SORCS1: variants seen among roughly 807,000 people sequenced by gnomAD.
The protein encoded by SORCS1 is sortilin related VPS10 domain containing receptor 1, also known as VPS10 domain-containing receptor SorCS1.
SORCS1 carries 60 observed loss-of-function variants against 146.1 expected under a neutral mutation model. That is an observed-to-expected ratio of 0.41 (90% confidence interval 0.33 to 0.51). The LOEUF (loss-of-function observed/expected upper bound fraction) is 0.51. SORCS1 is among the 20% of genes least tolerant of loss of function. The pLI is 0.21. For synonymous variants in SORCS1, 637 were observed against 584.0 expected, an observed-to-expected ratio of 1.09 and a Z score of -1.31; for missense variants, 1,352 against 1,487.6, an observed-to-expected ratio of 0.91 and a Z score of 1.50.
intron 5 of SORCS1, among the ~76,000 whole-genome samples, chr10:106,730,717 T>C (rs1856533419): frequency 1.3e-5 from 2 of 152,202 alleles, no homozygotes; most frequent in African/African-American, 2.4e-5. Context: ...TTAAAATGCC[T>C]TGGAGACACA....
chr10:107,074,761 T>C (rs934586015), intron 1 of SORCS1, among the ~76,000 whole-genome samples: 1 of 152,164 alleles, frequency 6.6e-6, no homozygotes, highest in African/African-American at 2.4e-5. Context: ...AGTGGTATCT[T>C]ATTGTTGTTT....
intron 10 of SORCS1, among the ~76,000 whole-genome samples, chr10:106,680,649 CTT>C (rs1222029303): frequency 6.6e-6 from 1 of 152,134 alleles, no homozygotes; most frequent in African/African-American, 2.4e-5. Context: ...GATAATAAAT[CTT>C]ATATGAATTT....
intron 5 of SORCS1, among the ~76,000 whole-genome samples, chr10:106,746,975 T>C (rs1253833807): frequency 1.3e-5 from 2 of 152,242 alleles, no homozygotes; most frequent in African/African-American, 4.8e-5. Context: ...TGCATAAATA[T>C]TCTAACAGGT....
intron 22 of SORCS1, among the ~76,000 whole-genome samples, chr10:106,607,789 G>A (rs575859773): frequency 2.6e-5 from 4 of 151,984 alleles, no homozygotes; most frequent in East Asian, 1.9e-4. Flanking sequence ...TTCCTCCTTC[G>A]TCAGCCCACT....
the SORCS1 span, among the ~76,000 whole-genome samples, chr10:107,171,016 G>A: frequency 6.6e-6 from 1 of 152,082 alleles, no homozygotes; most frequent in South Asian, 2.1e-4. Context: ...CAAAATGTAG[G>A]TTATATCACC....
At chr10:106,977,923 C>T (rs533469405) in intron 1 of SORCS1, among the ~76,000 whole-genome samples, 2 of 152,198 alleles carry the variant, frequency 1.3e-5, no homozygotes, top group East Asian at 1.9e-4. Flanking sequence ...TGTCAGAGTT[C>T]GAGTGCGCAT....
chr10:106,628,376 G>A (rs11192981), intron 19 of SORCS1, among the ~76,000 whole-genome samples: 39,853 of 152,046 alleles, frequency 0.26, 6,467 homozygotes, highest in East Asian at 0.53. Flanking sequence ...TGGCCTTGAG[G>A]CTCTTGGACT....
chr10:106,722,033 A>T (rs1441102832), intron 6 of SORCS1, among the ~76,000 whole-genome samples: 1 of 152,008 alleles, frequency 6.6e-6, no homozygotes, highest in Non-Finnish European at 1.5e-5. Context: ...CAACAAGAAC[A>T]TGCGTGTAAG....
At position 106,730,086 on chromosome 10, in the gene SORCS1, C is replaced by T. The variant is rs749493250; in HGVS notation, c.988G>A (p.Asp330Asn). The part of the protein sequence containing the change: ...WSVMGSNKEP[D>N]LVHLEARTVD... The stretch of plus-strand genomic sequence containing the variant: ...GTTCTGGCCTCAAGATGCACAAGGT[C>T]TGGTTCTTTATTTGACCCCATCACA... Residue 330 changes from aspartate to asparagine, a missense_variant, in exon 6 of 26, where the codon GAC (aspartate) becomes AAC (asparagine). By Grantham distance (23) the Asp-to-Asn change is conservative (BLOSUM62 1). Coordinates refer to ENST00000263054, the MANE Select transcript of SORCS1 (RefSeq NM_052918.5). 1.9e-6 allele frequency: 3 copies of T among 1,614,136 alleles called. No individual in the cohort carries two copies. Among genetic ancestry groups the T allele is most frequent in the South Asian group, 1.1e-5 (1 of 91,078 alleles).
rs1227383095 is a variant in SORCS1, at chr10:107,164,593, G to C, written c.-67C>G. ...AGGTGGCGGCACGAGCTCTGCGCTGGCGGCTGTGGGGGGCCGGCGCTCAGG... is the reference window on the plus strand; with the variant it reads ...AGGTGGCGGCACGAGCTCTGCGCTGCCGGCTGTGGGGGGCCGGCGCTCAGG... On this transcript the variant is annotated 5_prime_UTR_variant, in exon 1 of 26. Transcript: ENST00000263054. The surrounding 1 kb of genome is among the most constrained non-coding windows in gnomAD (Gnocchi z 6.8). 1 of 1,257,426 alleles carries C rather than the reference G, an allele frequency of 8.0e-7. No homozygotes were observed. The highest frequency in any genetic ancestry group is 1.6e-5 in the African/African-American group (1 of 63,516). The allele number at this position is 1,257,426 out of a possible 1,614,324, so 77.9% of individuals were successfully genotyped here. A position where few individuals can be genotyped will look rare whatever the true frequency, so the allele number is the denominator to read the frequency against.
intron 1 of SORCS1, among the ~76,000 whole-genome samples, chr10:106,957,165 G>GTTTTTTTTTTTTTTTTTTTT (rs374081494): frequency 7.2e-6 from 1 of 138,038 alleles, no homozygotes. Context: ...GTTTTTTTTT[G>GTTTTTTTTTTTTTTTTTTTT]TTTTTTTTGT....
At chr10:107,003,042 G>C (rs59102965) in intron 1 of SORCS1, among the ~76,000 whole-genome samples, 64 of 152,158 alleles carry the variant, frequency 4.2e-4, no homozygotes, top group African/African-American at 1.5e-3. Context: ...GATCACCTGC[G>C]GTCAGGAGGT....
At chr10:106,770,480 C>CAAAAA (rs61310332) in intron 4 of SORCS1, among the ~76,000 whole-genome samples, 1 of 126,206 alleles carries the variant, frequency 7.9e-6, no homozygotes. Flanking sequence ...CAAAAAATCG[C>CAAAAA]AAAAAAAAAA....
At chr10:107,006,392 G>A (rs892443205) in intron 1 of SORCS1, among the ~76,000 whole-genome samples, 4 of 152,176 alleles carry the variant, frequency 2.6e-5, no homozygotes, top group Admixed American at 2.0e-4. Context: ...TAAATAGATG[G>A]CACAGGGAAA....
intron 1 of SORCS1, among the ~76,000 whole-genome samples, chr10:107,121,241 T>C (rs1339887454): frequency 7.2e-5 from 11 of 152,202 alleles, no homozygotes; most frequent in Admixed American, 7.2e-4. Context: ...TGGAATATAG[T>C]AGCTCAGTAA....
chr10:106,583,824 T>G (rs892048748), intron 24 of SORCS1, among the ~76,000 whole-genome samples: 6 of 152,104 alleles, frequency 3.9e-5, no homozygotes, highest in African/African-American at 1.4e-4. Flanking sequence ...TGCTGCAGTT[T>G]TGCCCTTTGC....
chr10:106,597,232 G>T, intron 24 of SORCS1, 119 bp downstream of exon 24: 1 of 775,978 alleles, frequency 1.3e-6, no homozygotes, highest in South Asian at 1.6e-5. Context: ...AAGATCCGAT[G>T]ACTGATTTGA....
chr10:107,126,120 T>A (rs1373712763), intron 1 of SORCS1, among the ~76,000 whole-genome samples: 2 of 152,194 alleles, frequency 1.3e-5, no homozygotes, highest in Non-Finnish European at 2.9e-5. Context: ...CCTGAATAAG[T>A]CTTTGCTTTG....
chr10:106,761,836 G>A (rs1044492836), intron 4 of SORCS1, among the ~76,000 whole-genome samples, 175 bp from the exon 5 acceptor site: 49 of 152,226 alleles, frequency 3.2e-4, no homozygotes, highest in African/African-American at 1.1e-3. Context: ...AATTCTGCAA[G>A]TCAGACTAAT....
Sources: allele counts gnomAD v4.1 joint callset (sites outside exome capture counted in the v4.1 genomes callset), GRCh38; gene constraint gnomAD v4.1.1; non-coding constraint Gnocchi (gnomAD v3.1); transcripts MANE v1.5; gene names NCBI Gene and HGNC (gene_info 2026-07-23, HGNC 2026-07-21).